The following DISP3 variants were observed in gnomAD, a reference collection of about 807,000 sequenced individuals.
DISP3 encodes the protein dispatched RND transporter family member 3, also known as protein dispatched homolog 3.
Under a neutral mutation model 135.3 loss-of-function variants are expected in DISP3, and 101 were observed. That is an observed-to-expected ratio of 0.75 (90% CI 0.64 to 0.88). DISP3 has a LOEUF of 0.88. Among genes scored for constraint, DISP3 ranks in the 40% least tolerant of loss-of-function variants. The probability of loss-of-function intolerance (pLI) is 0.00; values close to 1 mark genes in which losing one functional copy is unlikely to be tolerated. For synonymous variants in DISP3, 856 were observed against 817.0 expected, an observed-to-expected ratio of 1.05 and a Z score of -0.81; for missense variants, 1,713 against 1,878.6, an observed-to-expected ratio of 0.91 and a Z score of 1.63.
rs1642571746 is a variant in DISP3, at chr1:11,531,328, GGGGCT to G, written c.3230-234_3230-230del. 6.6e-6 allele frequency among the ~76,000 whole-genome samples: 1 copy of G among 152,146 alleles called. No individual in the cohort carries two copies. Among genetic ancestry groups the G allele is most frequent in the African/African-American group, 2.4e-5 (1 of 41,428 alleles). On this transcript the variant is annotated intron_variant, in intron 16 of 20. Transcript: ENST00000294484. This position sits in a 1 kb window ranked among gnomAD's most constrained non-coding sequence, Gnocchi z 5.2. ...TTTCCAAAATTAGGGGGCGGGGCCA[GGGGCT>G]GGCCCCACAGCCAATGTGGATGAGG...
chr1:11,485,468 G>A (rs953076320), intron 1 of DISP3, among the ~76,000 whole-genome samples: 1 of 152,164 alleles, frequency 6.6e-6, no homozygotes, highest in African/African-American at 2.4e-5. Flanking sequence ...CACTCCTGTC[G>A]TGAAGGAGGA....
At chr1:11,496,142 G>C (rs1449644009) in intron 1 of DISP3, among the ~76,000 whole-genome samples, 1 of 151,492 alleles carries the variant, frequency 6.6e-6, no homozygotes, top group Non-Finnish European at 1.5e-5. Context: ...GCTGGGATTT[G>C]ACTGCAGATA....
In DISP3 at chr1:11,536,417, A is replaced by G; in HGVS notation, c.3910A>G (p.Thr1304Ala). 1.2e-6 allele frequency: 2 copies of G among 1,613,094 alleles called. No individual in the cohort carries two copies. The highest frequency in any genetic ancestry group is 1.7e-6 in the Non-Finnish European group (2 of 1,179,972). The change falls in exon 21 of 21, where the codon ACA becomes GCA. Residue 1304 changes from threonine to alanine, a missense_variant. By Grantham distance (58) the Thr-to-Ala change is moderately conservative. This residue lies in a region of DISP3 where 1,142 missense variants were observed against 1,384.6 expected (regional missense o/e 0.82). Transcript: ENST00000294484. The surrounding 1 kb of genome is among the most constrained non-coding windows in gnomAD (Gnocchi z 4.3). Reference sequence around the variant, plus strand: ...CAGTGCCCTCACCACGGTCATCGCCACAGTGCCCCTCTTCTTCTGCATCAT... The same window carrying G: ...CAGTGCCCTCACCACGGTCATCGCCGCAGTGCCCCTCTTCTTCTGCATCAT... ...VSSALTTVIATVPLFFCIIAP... is the reference protein window; with the variant it reads ...VSSALTTVIAAVPLFFCIIAP...
In DISP3 at chr1:11,529,602, G is replaced by C. The variant is rs556098064; in HGVS notation, c.2845G>C (p.Val949Leu). The C allele has an allele frequency of 1.2e-6, 2 of 1,606,942 alleles. No homozygotes were observed. The highest frequency in any genetic ancestry group is 1.3e-5 in the African/African-American group (1 of 74,930). ...CCACAAGCCCCCCTTCCACGGGCGC[G>C]TATGCATGGCACCCCCTGGCTGCCT... ...QSHKPPFHGR[V>L]CMAPPGCLLS... is the part of the protein sequence containing the mutation. The change falls in exon 14 of 21, where the codon GTA becomes CTA. Residue 949 changes from valine to leucine, a missense_variant. Around this residue, in one of 2 missense-constraint regions of DISP3, gnomAD observed 1,142 missense variants for 1,384.6 expected, o/e 0.82. Coordinates refer to ENST00000294484, the MANE Select transcript of DISP3 (RefSeq NM_020780.2). The surrounding 1 kb of genome is among the most constrained non-coding windows in gnomAD (Gnocchi z 4.7).
At chr1:11,532,940 A>C (rs1224882281) in intron 17 of DISP3, among the ~76,000 whole-genome samples, 1 of 152,142 alleles carries the variant, frequency 6.6e-6, no homozygotes, top group East Asian at 1.9e-4. Flanking sequence ...TCCTGACCTC[A>C]GGTGATCCAC....
intron 4 of DISP3, 100 bp downstream of exon 4, chr1:11,514,626 GCA>G (rs1641951012): frequency 7.1e-7 from 1 of 1,415,592 alleles, no homozygotes; most frequent in Non-Finnish European, 9.7e-7. Context: ...CTTGAGCCCA[GCA>G]TGTCAGAGCT....
At position 11,536,345 on chromosome 1, in the gene DISP3, TGGC is replaced by T; in HGVS notation, c.3840_3842del (p.Trp1280_Arg1281delinsCys). The T allele has an allele frequency of 1.0e-5, 16 of 1,603,380 alleles. No individual in the cohort carries two copies. The highest frequency in any genetic ancestry group is 1.4e-5 in the Non-Finnish European group (16 of 1,179,684). ...CCAGGACGCCCGAACGCAGCGCCAG[TGGC>T]GTACGCTGGAGGCCGTGCGGCACGT... On this transcript the variant is annotated inframe_deletion, in exon 21 of 21. Transcript: ENST00000294484. The surrounding 1 kb of genome is among the most constrained non-coding windows in gnomAD (Gnocchi z 4.3).
intron 3 of DISP3, among the ~76,000 whole-genome samples, chr1:11,508,530 TC>T (rs1395413800): frequency 6.6e-6 from 1 of 152,228 alleles, no homozygotes; most frequent in East Asian, 1.9e-4. Context: ...CCGTGTGTCT[TC>T]TTTTTTTTCA....
intron 2 of DISP3, 33 bp downstream of exon 2, chr1:11,502,121 G>C: frequency 6.5e-7 from 1 of 1,527,352 alleles, no homozygotes. Context: ...GGGGGCGTAG[G>C]TCCAGGTTTC....
intron 2 of DISP3, among the ~76,000 whole-genome samples, chr1:11,502,466 G>A (rs767413244): frequency 1.3e-5 from 2 of 152,164 alleles, no homozygotes; most frequent in Non-Finnish European, 2.9e-5. Context: ...AGAAGACTGA[G>A]ATAGGGTTCG....
intron 17 of DISP3, chr1:11,533,711 G>C: frequency 3.2e-6 from 2 of 625,448 alleles, no homozygotes; most frequent in South Asian, 3.4e-5. Flanking sequence ...CTTCCAAGCT[G>C]ACCCCACCAG....
intron 17 of DISP3, among the ~76,000 whole-genome samples, chr1:11,533,280 G>T (rs1404047887): frequency 5.7e-5 from 8 of 139,628 alleles, no homozygotes; most frequent in Admixed American, 4.3e-4. Flanking sequence ...TTTTTTAATG[G>T]AGTTTCACTC....
intron 1 of DISP3, among the ~76,000 whole-genome samples, chr1:11,492,956 C>A (rs1641229997): frequency 1.3e-5 from 2 of 152,212 alleles, no homozygotes; most frequent in Non-Finnish European, 2.9e-5. Flanking sequence ...TAGGATCCAG[C>A]TGCTAGGATG....
chr1:11,524,363 T>C (rs1345382809), intron 11 of DISP3, among the ~76,000 whole-genome samples: 1 of 151,994 alleles, frequency 6.6e-6, no homozygotes, highest in Non-Finnish European at 1.5e-5. Flanking sequence ...TTGTCCCTGC[T>C]GGAGTCTCCC....
rs1177481295 is a variant in DISP3 at position 11,483,956 on chromosome 1, G to A, written c.-4+4584G>A. Among the ~76,000 whole-genome samples, 1 of 152,200 alleles carries A rather than the reference G, an allele frequency of 6.6e-6. No homozygotes were observed. Among genetic ancestry groups the A allele is most frequent in the African/African-American group, 2.4e-5 (1 of 41,452 alleles). On this transcript the variant is annotated intron_variant, in intron 1 of 20. Coordinates refer to ENST00000294484, the MANE Select transcript of DISP3 (RefSeq NM_020780.2). The surrounding 1 kb of genome is among the most constrained non-coding windows in gnomAD (Gnocchi z 5.4). The stretch of plus-strand genomic sequence containing the variant: ...CTGAGTCTCAGAATCCCAGGCCAGG[G>A]ATCTTCCCAGGCAGCCGGACTGGCT...
intron 1 of DISP3, among the ~76,000 whole-genome samples, chr1:11,489,795 C>T (rs1352567067): frequency 6.6e-6 from 1 of 152,172 alleles, no homozygotes; most frequent in Admixed American, 6.5e-5. Context: ...GCACAGATCC[C>T]CTGCTTCCTC....
intron 10 of DISP3, among the ~76,000 whole-genome samples, chr1:11,522,563 G>GCCCAGCCAGGACCCAGCCAAGA (rs1642231884): frequency 8.0e-5 from 9 of 111,804 alleles, no homozygotes; most frequent in African/African-American, 2.1e-4. Flanking sequence ...CCCAGCCAGA[G>GCCCAGCCAGGACCCAGCCAAGA]CCCAGCCAGG....
intron 13 of DISP3, among the ~76,000 whole-genome samples, chr1:11,528,616 T>C (rs947216346): frequency 1.3e-5 from 2 of 152,238 alleles, no homozygotes; most frequent in African/African-American, 4.8e-5. Context: ...ACTGTCATTG[T>C]GGAGAACAGT....
chr1:11,521,421 G>GA (rs1447028251), intron 10 of DISP3, among the ~76,000 whole-genome samples: 1 of 132,834 alleles, frequency 7.5e-6, no homozygotes. Flanking sequence ...GAGGAGGGAA[G>GA]GGGTTAGCCA....
Sources: gnomAD v4.1 joint callset for allele counts (sites outside exome capture counted in the v4.1 genomes callset) on GRCh38, gnomAD v4.1.1 for gene constraint, gnomAD v4.1.1 regional missense constraint, Gnocchi (gnomAD v3.1) non-coding constraint, MANE v1.5 for transcripts, NCBI Gene and HGNC (gene_info 2026-07-23, HGNC 2026-07-21) for gene names.